Variants in SSBP2 observed in about 807,000 individuals in gnomAD.
SSBP2 encodes single-stranded DNA-binding protein 2.
In SSBP2, 17 loss-of-function variants were observed where a neutral mutation model predicts 61.8. That is an observed-to-expected ratio of 0.28 (90% CI 0.19 to 0.41). SSBP2 has a LOEUF of 0.41. Ranked by LOEUF, SSBP2 falls within the 10% of genes least tolerant of loss-of-function variation. The pLI, the probability that SSBP2 is intolerant of heterozygous loss-of-function variation, is 1.00. For synonymous variants in SSBP2, 139 were observed against 141.3 expected, an observed-to-expected ratio of 0.98 and a Z score of 0.12; for missense variants, 310 against 458.7, an observed-to-expected ratio of 0.68 and a Z score of 2.96.
intron 5 of SSBP2, among the ~76,000 whole-genome samples, chr5:81,510,290 G>A (rs999270529): frequency 9.9e-5 from 15 of 152,132 alleles, no homozygotes; most frequent in Admixed American, 1.3e-4. Flanking sequence ...TCCCCATTTT[G>A]TGTTCTCTAG....
intron 4 of SSBP2, among the ~76,000 whole-genome samples, chr5:81,613,340 G>A (rs138105883): frequency 6.6e-6 from 1 of 152,050 alleles, no homozygotes; most frequent in Non-Finnish European, 1.5e-5. Flanking sequence ...AAATCTACTC[G>A]AATTTTACTC....
intron 4 of SSBP2, among the ~76,000 whole-genome samples, chr5:81,605,514 T>C (rs1391445502): frequency 6.6e-6 from 1 of 152,074 alleles, no homozygotes; most frequent in African/African-American, 2.4e-5. Context: ...CTGCTGCCCT[T>C]TGCACCAGAC....
chr5:81,736,206 AT>A, intron 1 of SSBP2, among the ~76,000 whole-genome samples: 2 of 149,426 alleles, frequency 1.3e-5, no homozygotes, highest in South Asian at 4.2e-4. Context: ...GCACTACTGA[AT>A]TTTTTGCTTC....
chr5:81,518,106 T>C (rs11740343), intron 4 of SSBP2, among the ~76,000 whole-genome samples: 5,244 of 152,242 alleles, frequency 0.034, 133 homozygotes, highest in Non-Finnish European at 0.054. Context: ...AGACAGTCTA[T>C]ATTTGGTAAA....
chr5:81,738,234 T>C (rs1036228374), intron 1 of SSBP2, among the ~76,000 whole-genome samples: 1 of 152,224 alleles, frequency 6.6e-6, no homozygotes, highest in African/African-American at 2.4e-5. Flanking sequence ...TTGGTTACAC[T>C]GGTGTGTTCA....
chr5:81,648,373 T>C (rs766580293), intron 2 of SSBP2, among the ~76,000 whole-genome samples: 17 of 152,288 alleles, frequency 1.1e-4, no homozygotes, highest in East Asian at 9.6e-4. Flanking sequence ...CCTTCTATAG[T>C]AAAACAACTG....
Position 81,456,588 on chromosome 5 carries a change from C to T in SSBP2, c.687+4467G>A, listed in dbSNP as rs187102887. Among the ~76,000 whole-genome samples the T allele has an allele frequency of 1.7e-3, 249 of 147,834 alleles. 1 individual carries two copies. The highest frequency in any genetic ancestry group is 5.9e-3 in the African/African-American group (235 of 39,912). On this transcript the variant is annotated intron_variant, in intron 10 of 16. Transcript: ENST00000320672. ...AACTTGTACAAAGATCAGAATCCTT[C>T]GTGAAAAAGAAAAAAAAAAGAAAAA... is the stretch of plus-strand genomic sequence containing the variant.
chr5:81,418,270 A>C lies in SSBP2; in HGVS notation c.*2234T>G, dbSNP rs1179132311. On this transcript the variant is annotated 3_prime_UTR_variant, in exon 17 of 17. Coordinates refer to ENST00000320672, the MANE Select transcript of SSBP2 (RefSeq NM_012446.5). ...ACCTTTTCATCTGAATTTGCATGAA[A>C]GGTTTCTGCAGCTTGACAGCATGAG... 1 of 152,238 alleles carries C rather than the reference A, an allele frequency of 6.6e-6. No homozygotes were observed. The highest frequency in any genetic ancestry group is 6.5e-5 in the Admixed American group (1 of 15,286). The allele number at this position is 152,238 out of a possible 1,614,324, so 9.4% of individuals were successfully genotyped here. A position where few individuals can be genotyped will look rare whatever the true frequency, so the allele number is the denominator to read the frequency against.
At chr5:81,600,467 C>G (rs1314900125) in intron 4 of SSBP2, among the ~76,000 whole-genome samples, 1 of 145,668 alleles carries the variant, frequency 6.9e-6, no homozygotes, top group African/African-American at 2.5e-5. Context: ...GAGGCTGAGG[C>G]AGAAGAATCA....
intron 2 of SSBP2, among the ~76,000 whole-genome samples, chr5:81,648,008 A>G (rs1011455661): frequency 4.6e-5 from 7 of 152,106 alleles, no homozygotes; most frequent in African/African-American, 1.7e-4. Context: ...AAGAAAATAT[A>G]GTTTTGGGAA....
intron 1 of SSBP2, among the ~76,000 whole-genome samples, chr5:81,719,597 T>C (rs531258011): frequency 7.2e-5 from 11 of 152,218 alleles, no homozygotes; most frequent in African/African-American, 2.4e-4. Flanking sequence ...TTTGTTTTCT[T>C]TGAGTGTGAT....
intron 4 of SSBP2, among the ~76,000 whole-genome samples, chr5:81,552,305 C>T (rs1448598054): frequency 6.6e-6 from 1 of 152,000 alleles, no homozygotes; most frequent in African/African-American, 2.4e-5. Context: ...ATTTAATTAT[C>T]ATCGGAAACT....
chr5:81,454,811 C>T (rs891821097), intron 10 of SSBP2, among the ~76,000 whole-genome samples: 10 of 151,820 alleles, frequency 6.6e-5, no homozygotes, highest in Non-Finnish European at 1.5e-4. Flanking sequence ...AGAAAGGTGA[C>T]TAAAGGTCTG....
chr5:81,686,462 A>T (rs527986556), intron 1 of SSBP2, among the ~76,000 whole-genome samples: 20 of 152,298 alleles, frequency 1.3e-4, no homozygotes, highest in African/African-American at 4.8e-4. Context: ...TGTATTTTTT[A>T]TATTAAGATT....
rs1373065443 is a variant in SSBP2, at chr5:81,415,482, G to GT, written c.*5021dup. On this transcript the variant is annotated 3_prime_UTR_variant, in exon 17 of 17. Transcript: ENST00000320672. ...AAATCATTGTTACAATGTATTATTT[G>GT]TAATTATTGTTGTATTATTGGTTTT... 2.0e-5 allele frequency: 3 copies of GT among 151,984 alleles called. No homozygotes were observed. Among genetic ancestry groups the GT allele is most frequent in the Non-Finnish European group, 2.9e-5 (2 of 68,010 alleles). 9.4% of individuals were successfully genotyped at this position (151,984 alleles called of 1,614,324 possible). A position where few individuals can be genotyped will look rare whatever the true frequency, so the allele number is the denominator to read the frequency against.
At chr5:81,547,947 A>G (rs1440375346) in intron 4 of SSBP2, among the ~76,000 whole-genome samples, 2 of 152,198 alleles carry the variant, frequency 1.3e-5, no homozygotes, top group Non-Finnish European at 2.9e-5. Flanking sequence ...AAGGATTTTT[A>G]GGGCAGTGAA....
chr5:81,549,816 C>T (rs1772034573), intron 4 of SSBP2, among the ~76,000 whole-genome samples: 2 of 152,146 alleles, frequency 1.3e-5, no homozygotes, highest in African/African-American at 4.8e-5. Flanking sequence ...GAAACCACCA[C>T]CCTCTAAGGT....
intron 4 of SSBP2, among the ~76,000 whole-genome samples, chr5:81,595,129 A>G (rs1383288929): frequency 6.6e-6 from 1 of 152,230 alleles, no homozygotes. Flanking sequence ...GAAGAATCAA[A>G]TAGACGCAAT....
At chr5:81,718,556 G>A (rs181544344) in intron 1 of SSBP2, among the ~76,000 whole-genome samples, 23 of 152,268 alleles carry the variant, frequency 1.5e-4, no homozygotes, top group East Asian at 5.8e-4. Flanking sequence ...TCAAAGGAAC[G>A]TGACTGAAAC....
Sources: allele counts gnomAD v4.1 joint callset (sites outside exome capture counted in the v4.1 genomes callset), GRCh38; gene constraint gnomAD v4.1.1; transcripts MANE v1.5; gene names NCBI Gene and HGNC (gene_info 2026-07-23, HGNC 2026-07-21).